Variants in GALNT13 observed in about 807,000 individuals in gnomAD.
The protein encoded by GALNT13 is UDP-GalNAc:polypeptide N-acetylgalactosaminyltransferase 13.
A neutral mutation model predicts 64.2 loss-of-function variants in GALNT13; 28 were observed. The ratio of observed to expected loss-of-function variants is 0.44; its 90% confidence interval spans 0.32 to 0.60. The LOEUF (loss-of-function observed/expected upper bound fraction) is 0.60, where lower values mean the gene tolerates loss of function less well. GALNT13 is among the 20% of genes least tolerant of loss of function. GALNT13 has a pLI of 0.05. For synonymous variants in GALNT13, 214 were observed against 224.6 expected (o/e 0.95, Z 0.42); for missense variants, 577 against 669.8 (o/e 0.86, Z 1.53).
the GALNT13 span, among the ~76,000 whole-genome samples, chr2:153,293,538 C>T: frequency 6.6e-6 from 1 of 152,112 alleles, no homozygotes; most frequent in Non-Finnish European, 1.5e-5. Context: ...AGGAAAAACG[C>T]AGCCCTGCAA....
the GALNT13 span, among the ~76,000 whole-genome samples, chr2:153,674,999 CCAT>C: frequency 6.6e-6 from 1 of 152,116 alleles, no homozygotes; most frequent in East Asian, 1.9e-4. Context: ...CAATGAGATA[CCAT>C]CTCATGCAAG....
chr2:153,241,252 G>C, the GALNT13 span, among the ~76,000 whole-genome samples: 1 of 152,066 alleles, frequency 6.6e-6, no homozygotes, highest in African/African-American at 2.4e-5. Context: ...TCTTCGTCTT[G>C]CCCAGAGAGC....
At chr2:153,295,197 T>C in the GALNT13 span, among the ~76,000 whole-genome samples, 1 of 151,878 alleles carries the variant, frequency 6.6e-6, no homozygotes, top group East Asian at 1.9e-4. Context: ...GGTGACAGAG[T>C]CTCAATATCA....
intron 3 of GALNT13, among the ~76,000 whole-genome samples, chr2:153,964,690 CA>C (rs1201771806): frequency 2.6e-5 from 4 of 151,130 alleles, no homozygotes; most frequent in Non-Finnish European, 5.9e-5. Flanking sequence ...AAATTTCTTT[CA>C]AAAAAGTACT....
intron 11 of GALNT13, among the ~76,000 whole-genome samples, chr2:154,429,648 T>A (rs983517567): frequency 6.6e-6 from 1 of 152,178 alleles, no homozygotes; most frequent in African/African-American, 2.4e-5. Flanking sequence ...TAAATGTGAA[T>A]ACAGTAAACA....
chr2:153,947,916 A>G (rs1691888163), intron 3 of GALNT13, among the ~76,000 whole-genome samples: 1 of 152,156 alleles, frequency 6.6e-6, no homozygotes, highest in Non-Finnish European at 1.5e-5. Flanking sequence ...CAGTTCTCCT[A>G]GCACCATTTA....
the GALNT13 span, among the ~76,000 whole-genome samples, chr2:153,580,582 A>G: frequency 5.3e-5 from 8 of 152,212 alleles, no homozygotes; most frequent in African/African-American, 1.9e-4. Context: ...AGGACAGAAG[A>G]GAATATAATT....
chr2:154,321,132 G>T (rs1187364069), intron 9 of GALNT13, among the ~76,000 whole-genome samples: 1 of 152,114 alleles, frequency 6.6e-6, no homozygotes, highest in Non-Finnish European at 1.5e-5. Context: ...TCTGCAGTAG[G>T]CAGTTAAGGG....
chr2:154,087,424 A>G (rs2105430283), intron 3 of GALNT13, among the ~76,000 whole-genome samples: 1 of 152,160 alleles, frequency 6.6e-6, no homozygotes, highest in South Asian at 2.1e-4. Context: ...AACTTTGACA[A>G]TTATAAATCC....
the GALNT13 span, among the ~76,000 whole-genome samples, chr2:153,834,831 G>A: frequency 3.9e-5 from 6 of 152,206 alleles, no homozygotes; most frequent in South Asian, 1.0e-3. Flanking sequence ...TGGAGTTGGA[G>A]CCATGGCAAG....
At chr2:153,652,655 A>C in the GALNT13 span, among the ~76,000 whole-genome samples, 1 of 152,090 alleles carries the variant, frequency 6.6e-6, no homozygotes, top group African/African-American at 2.4e-5. Flanking sequence ...ATCAATAACC[A>C]TGACTGACAC....
the GALNT13 span, among the ~76,000 whole-genome samples, chr2:153,524,499 C>A: frequency 6.6e-6 from 1 of 152,028 alleles, no homozygotes; most frequent in South Asian, 2.1e-4. Flanking sequence ...GAAAGAGACA[C>A]TGAAGAGGTA....
the GALNT13 span, among the ~76,000 whole-genome samples, chr2:153,607,157 A>G: frequency 2.6e-5 from 4 of 152,032 alleles, no homozygotes; most frequent in Non-Finnish European, 4.4e-5. Flanking sequence ...CTTCTTTGCC[A>G]CTGAAACCCT....
the GALNT13 span, among the ~76,000 whole-genome samples, chr2:153,289,588 C>A: frequency 6.6e-6 from 1 of 152,208 alleles, no homozygotes; most frequent in African/African-American, 2.4e-5. Context: ...AGTCCACTCT[C>A]ATCTTATGGG....
chr2:153,351,269 A>G, the GALNT13 span, among the ~76,000 whole-genome samples: 1 of 152,204 alleles, frequency 6.6e-6, no homozygotes, highest in Non-Finnish European at 1.5e-5. Context: ...GAACTATACA[A>G]TAACGAGGCT....
At chr2:153,390,233 T>C in the GALNT13 span, among the ~76,000 whole-genome samples, 1 of 152,076 alleles carries the variant, frequency 6.6e-6, no homozygotes, top group Non-Finnish European at 1.5e-5. Context: ...ACACCACATG[T>C]TCTCACTCAT....
At chr2:153,366,720 G>GACACACACACAC in the GALNT13 span, among the ~76,000 whole-genome samples, 51 of 109,154 alleles carry the variant, frequency 4.7e-4, no homozygotes, top group African/African-American at 1.3e-3. Flanking sequence ...AGCACACAGG[G>GACACACACACAC]ACACACACAC....
At chr2:153,507,644 T>G in the GALNT13 span, among the ~76,000 whole-genome samples, 7 of 152,216 alleles carry the variant, frequency 4.6e-5, no homozygotes, top group African/African-American at 7.2e-5. Flanking sequence ...AGCTTAATAA[T>G]TGACCTTCTG....
the GALNT13 span, among the ~76,000 whole-genome samples, chr2:153,743,448 GT>G: frequency 6.6e-6 from 1 of 151,696 alleles, no homozygotes; most frequent in Non-Finnish European, 1.5e-5. Flanking sequence ...ATTCTATTTA[GT>G]TTTTTTTAAT....
Sources: allele counts gnomAD v4.1 joint callset (sites outside exome capture counted in the v4.1 genomes callset), GRCh38; gene constraint gnomAD v4.1.1; transcripts MANE v1.5; gene names NCBI Gene and HGNC (gene_info 2026-07-23, HGNC 2026-07-21).